GFRA3: variants seen among roughly 807,000 people sequenced by gnomAD.
GFRA3 encodes the protein GDNF family receptor alpha-3.
In GFRA3, 24 loss-of-function variants were observed where a neutral mutation model predicts 40.0. That is an observed-to-expected ratio of 0.60 (90% CI 0.43 to 0.84). The LOEUF (loss-of-function observed/expected upper bound fraction) is 0.84, where lower values mean the gene tolerates loss of function less well. GFRA3 is among the 40% of genes least tolerant of loss of function. GFRA3 has a pLI of 0.00. For missense variants in GFRA3, 405 were observed against 530.6 expected (o/e 0.76, Z 2.33); for synonymous variants, 203 against 213.5 (o/e 0.95, Z 0.43).
At position 138,259,627 on chromosome 5, in the gene GFRA3, G is replaced by T; in HGVS notation, c.402C>A (p.Ser134=). ...RSLGNYELDV[S]PYEDTVTSKP... ...TGCTGGTCACTGTGTCTTCATAGGGGGAGACATCCAGCTCATAGTTACCTA... is the reference window on the plus strand; with the variant it reads ...TGCTGGTCACTGTGTCTTCATAGGGTGAGACATCCAGCTCATAGTTACCTA... Residue 134 remains serine (S), a synonymous_variant, in exon 3 of 8, where the codon TCC becomes TCA. Transcript: ENST00000274721. 1 of 1,504,060 alleles carries T rather than the reference G, an allele frequency of 6.6e-7. No individual in the cohort carries two copies. Among genetic ancestry groups the T allele is most frequent in the Non-Finnish European group, 9.3e-7 (1 of 1,079,502 alleles). The allele number at this position is 1,504,060 out of a possible 1,614,324, so 93.2% of individuals were successfully genotyped here.
At position 138,274,535 on chromosome 5, in the gene GFRA3, G is replaced by C; in HGVS notation, c.-111C>G. 1 of 1,234,236 alleles carries C rather than the reference G, an allele frequency of 8.1e-7. No homozygotes were observed. Among genetic ancestry groups the C allele is most frequent in the Non-Finnish European group, 1.0e-6 (1 of 988,810 alleles). The allele number at this position is 1,234,236 out of a possible 1,614,324, so 76.5% of individuals were successfully genotyped here. ...GCCCCCGCCTCCCGCCCTCCAGCGCGACGCACACACTCTCCCACCAGGGTC... is the reference window on the plus strand; with the variant it reads ...GCCCCCGCCTCCCGCCCTCCAGCGCCACGCACACACTCTCCCACCAGGGTC... On this transcript the variant is annotated 5_prime_UTR_variant, in exon 1 of 8. Coordinates refer to ENST00000274721, the MANE Select transcript of GFRA3 (RefSeq NM_001496.4).
Position 138,257,652 on chromosome 5 carries a change from C to T in GFRA3, c.772G>A (p.Asp258Asn). Residue 258 changes from aspartate (D) to asparagine (N), a missense_variant, in exon 4 of 8, where the codon GAC becomes AAC. Transcript: ENST00000274721. ...CAAACTACACACCTGCAAAGCGGGTCGGAGAAGCAGAGGCGCCGCAGCTCC... is the reference window on the plus strand; with the variant it reads ...CAAACTACACACCTGCAAAGCGGGTTGGAGAAGCAGAGGCGCCGCAGCTCC... ...CLELRRLCFS[D>N]PLCRSRLVDF... The T allele has an allele frequency of 6.2e-7, 1 of 1,609,346 alleles. No individual in the cohort carries two copies.
intron 1 of GFRA3, among the ~76,000 whole-genome samples, chr5:138,273,847 A>G (rs1428109241): frequency 1.3e-5 from 2 of 152,190 alleles, no homozygotes; most frequent in African/African-American, 2.4e-5. Context: ...AAGGCCTGCT[A>G]TTGTAGAAGG....
At chr5:138,261,421 C>T (rs548171249) in intron 2 of GFRA3, among the ~76,000 whole-genome samples, 8 of 152,208 alleles carry the variant, frequency 5.3e-5, no homozygotes, top group East Asian at 1.9e-4. Context: ...CTGTGCTGGG[C>T]GCAGTGGCTC....
chr5:138,270,687 C>T (rs770972117), intron 1 of GFRA3, among the ~76,000 whole-genome samples: 30 of 152,086 alleles, frequency 2.0e-4, no homozygotes, highest in African/African-American at 5.1e-4. Context: ...CAAACACCAC[C>T]TGTATGTACC....
chr5:138,253,213 C>A, intron 7 of GFRA3, 74 bp downstream of exon 7: 1 of 1,034,568 alleles, frequency 9.7e-7, no homozygotes, highest in East Asian at 2.6e-5. Context: ...GCCTCTATCC[C>A]TTTGTCTGCC....
At chr5:138,264,627 G>A (rs1755756325) in intron 1 of GFRA3, 79 bp from the exon 2 acceptor site, 2 of 950,772 alleles carry the variant, frequency 2.1e-6, no homozygotes, top group Admixed American at 4.9e-5. Flanking sequence ...GGTTGGGAGA[G>A]GGATATTCCT....
Position 138,257,866 on chromosome 5 carries a change from G to T in GFRA3, c.558C>A (p.Cys186Ter). 1 of 1,613,866 alleles carries T rather than the reference G, an allele frequency of 6.2e-7. No homozygotes were observed. The highest frequency in any genetic ancestry group is 8.5e-7 in the Non-Finnish European group (1 of 1,179,866). Residue 186 changes from cysteine (C) to a stop codon, truncating the protein, a stop_gained, in exon 4 of 8, where the codon TGC becomes TGA. Transcript: ENST00000274721. LOFTEE classifies it high-confidence loss of function. ...DRLRKAYGEA[C>*]SGPHCQRHVC... ...CGTGGCGCTGGCAGTGGGGCCCGGA[G>T]CACGCCTCCCCGTAGGCCTTGCGCA...
intron 1 of GFRA3, among the ~76,000 whole-genome samples, chr5:138,270,923 G>A (rs1400594393): frequency 6.6e-6 from 1 of 152,156 alleles, no homozygotes; most frequent in Non-Finnish European, 1.5e-5. Context: ...CTTCCGGTAG[G>A]TACTGAATAA....
intron 2 of GFRA3, among the ~76,000 whole-genome samples, chr5:138,263,774 G>A (rs1415933629): frequency 6.6e-6 from 1 of 152,160 alleles, no homozygotes; most frequent in Non-Finnish European, 1.5e-5. Context: ...TGACTAATAA[G>A]GGGCCTATGG....
At position 138,252,999 on chromosome 5, in the gene GFRA3, A is replaced by C; in HGVS notation, c.1172T>G (p.Leu391Arg). The C allele has an allele frequency of 6.2e-7, 1 of 1,608,176 alleles. No homozygotes were observed. The highest frequency in any genetic ancestry group is 8.5e-7 in the Non-Finnish European group (1 of 1,174,918). ...PWVPSLFSCT[L>R]PLILLLSLW ...TAGGCTCAGGAGCAGAATCAAGGGA[A>C]GCGTGCAGGAGAAAAGAGAGGGCAC... The change falls in exon 8 of 8, where the codon CTT becomes CGT. Residue 391 changes from leucine to arginine, a missense_variant. Physicochemically the swap from Leu to Arg is moderately radical, Grantham distance 102. Transcript: ENST00000274721.
intron 1 of GFRA3, among the ~76,000 whole-genome samples, chr5:138,271,735 C>T (rs1166423863): frequency 2.0e-5 from 3 of 148,712 alleles, no homozygotes; most frequent in African/African-American, 7.7e-5. Flanking sequence ...TGCACTACCA[C>T]GCCCAGCTAA....
intron 1 of GFRA3, among the ~76,000 whole-genome samples, chr5:138,264,864 G>A (rs1755761508): frequency 6.6e-6 from 1 of 152,140 alleles, no homozygotes; most frequent in Non-Finnish European, 1.5e-5. Flanking sequence ...AGGCACAGAG[G>A]AAGGGGTCCC....
intron 7 of GFRA3, 75 bp from the exon 8 acceptor site, chr5:138,253,132 G>A (rs1385331722): frequency 8.9e-6 from 8 of 903,532 alleles, no homozygotes; most frequent in Non-Finnish European, 1.3e-5. Flanking sequence ...TCAGTCAAGA[G>A]GTATTCCCCT....
In GFRA3 at chr5:138,257,751, G is replaced by T. The variant is rs750232649; in HGVS notation, c.673C>A (p.Arg225=). 19 of 1,609,876 alleles carry T rather than the reference G, an allele frequency of 1.2e-5. No homozygotes were observed. The highest frequency in any genetic ancestry group is 1.6e-5 in the Non-Finnish European group (19 of 1,177,878). The change falls in exon 4 of 8, where the codon CGG becomes AGG. Residue 225 remains arginine, a synonymous_variant. Coordinates refer to ENST00000274721, the MANE Select transcript of GFRA3 (RefSeq NM_001496.4). ...TTGCGCCGGCGCTCCCCGCAGCCCC[G>T]GTCGTTGGGGGCACATGGGCACAGT... ...LLLCPCAPND[R]GCGERRRNTI...
At chr5:138,271,183 G>T (rs1006771577) in intron 1 of GFRA3, among the ~76,000 whole-genome samples, 2 of 152,000 alleles carry the variant, frequency 1.3e-5, no homozygotes, top group African/African-American at 2.4e-5. Flanking sequence ...GTAGAGATGC[G>T]ATTTCTCGAT....
Position 138,254,043 on chromosome 5 carries a change from G to A in GFRA3, c.889+14C>T, listed in dbSNP as rs1755590494. 5 of 1,584,378 alleles carry A rather than the reference G, an allele frequency of 3.2e-6. No individual in the cohort carries two copies. The highest frequency in any genetic ancestry group is 4.3e-6 in the Non-Finnish European group (5 of 1,153,104). On this transcript the variant is annotated intron_variant, in intron 5 of 7. Transcript: ENST00000274721. ...AGCCAACATAGGGTTCCCTACACATGCCCCCAGCCTCACCAATCAGCCCCA... is the reference window on the plus strand; with the variant it reads ...AGCCAACATAGGGTTCCCTACACATACCCCCAGCCTCACCAATCAGCCCCA...
At position 138,264,446 on chromosome 5, in the gene GFRA3, T is replaced by C. The variant is rs763471653; in HGVS notation, c.194A>G (p.Asp65Gly). Residue 65 changes from aspartate (D) to glycine (G), a missense_variant, in exon 2 of 8, where the codon GAT becomes GGT. Physicochemically the swap from Asp to Gly is moderately conservative, Grantham distance 94 (BLOSUM62 -1). Coordinates refer to ENST00000274721, the MANE Select transcript of GFRA3 (RefSeq NM_001496.4). ...GGTGCTTATGCTAGAGGTGCAGGAA[T>C]CCAGGTGGTGGTAGGCAGCACTGCA... ...PTCSAAYHHL[D>G]SCTSSISTPL... is the part of the protein sequence containing the mutation. 3 of 1,614,024 alleles carry C rather than the reference T, an allele frequency of 1.9e-6. No individual in the cohort carries two copies. In the South Asian group the frequency reaches 3.3e-5, roughly 18 times the overall value.
chr5:138,269,411 CT>C (rs1318853447), intron 1 of GFRA3, among the ~76,000 whole-genome samples: 5 of 151,946 alleles, frequency 3.3e-5, no homozygotes, highest in African/African-American at 1.2e-4. Flanking sequence ...AGGCGGGCAC[CT>C]GTTATCCCAG....
Sources: allele counts gnomAD v4.1 joint callset (sites outside exome capture counted in the v4.1 genomes callset), GRCh38; gene constraint gnomAD v4.1.1; transcripts MANE v1.5; gene names NCBI Gene and HGNC (gene_info 2026-07-23, HGNC 2026-07-21).